CRACR2A: variants seen among roughly 807,000 people sequenced by gnomAD.
CRACR2A encodes EF-hand calcium-binding domain-containing protein 4B.
CRACR2A carries 79 observed loss-of-function variants against 90.5 expected under a neutral mutation model. The observed-to-expected ratio is 0.87, with a 90% CI of 0.73 to 1.05. The LOEUF (loss-of-function observed/expected upper bound fraction) is 1.05. CRACR2A is among the 50% of genes least tolerant of loss of function. The pLI, the probability that CRACR2A is intolerant of heterozygous loss-of-function variation, is 0.00. For synonymous variants in CRACR2A, 338 were observed against 356.7 expected (o/e 0.95, Z 0.59); for missense variants, 823 against 897.2 (o/e 0.92, Z 1.06).
chr12:3,668,654 C>T lies in CRACR2A; in HGVS notation c.671+4792G>A, dbSNP rs1945188682. 4.6e-5 allele frequency among the ~76,000 whole-genome samples: 7 copies of T among 152,264 alleles called. 1 individual carries two copies. Among genetic ancestry groups the T allele is most frequent in the Admixed American group, 3.3e-4 (5 of 15,304 alleles). On this transcript the variant is annotated intron_variant, in intron 7 of 19. Transcript: ENST00000440314. ...GCTTTGGGGACAGTTTCCTTGTCCT[C>T]GAGGCTCCACAACACAGGCTGCCGA... is the stretch of plus-strand genomic sequence containing the variant.
intron 10 of CRACR2A, among the ~76,000 whole-genome samples, chr12:3,653,194 G>A (rs996175082): frequency 6.6e-6 from 1 of 151,962 alleles, no homozygotes; most frequent in Non-Finnish European, 1.5e-5. Context: ...TGTTGGTCAG[G>A]CTGGTCTTGA....
chr12:3,659,789 G>A (rs536602781), intron 7 of CRACR2A, 135 bp from the exon 8 acceptor site: 8 of 681,998 alleles, frequency 1.2e-5, no homozygotes, highest in Middle Eastern at 3.4e-4. Context: ...GTCAGCCAAC[G>A]CTATAAGATC....
chr12:3,736,670 C>T (rs113338191), intron 1 of CRACR2A, among the ~76,000 whole-genome samples: 2 of 152,112 alleles, frequency 1.3e-5, no homozygotes, highest in African/African-American at 4.8e-5. Flanking sequence ...ATTTAAGGGA[C>T]ACTCAGAACA....
At chr12:3,649,793 G>T (rs867117231) in intron 10 of CRACR2A, among the ~76,000 whole-genome samples, 5 of 151,804 alleles carry the variant, frequency 3.3e-5, no homozygotes, top group Middle Eastern at 3.4e-3. Context: ...AAAGAGGTGA[G>T]GGGGAGCAAA....
At chr12:3,660,720 A>G (rs958193953) in intron 7 of CRACR2A, among the ~76,000 whole-genome samples, 2 of 152,000 alleles carry the variant, frequency 1.3e-5, no homozygotes, top group Non-Finnish European at 2.9e-5. Context: ...CCATGCAGTG[A>G]AAGACCCTCT....
At chr12:3,706,566 A>G (rs929727838) in intron 3 of CRACR2A, among the ~76,000 whole-genome samples, 2 of 152,134 alleles carry the variant, frequency 1.3e-5, no homozygotes, top group South Asian at 4.1e-4. Flanking sequence ...TCATCTGTAA[A>G]ATGAAGGGCC....
chr12:3,705,133 G>T (rs1370626112), intron 3 of CRACR2A, among the ~76,000 whole-genome samples: 1 of 152,160 alleles, frequency 6.6e-6, no homozygotes, highest in Non-Finnish European at 1.5e-5. Flanking sequence ...AGGAAATGGT[G>T]GAGTATATTC....
At chr12:3,654,762 T>A (rs1944867938) in intron 9 of CRACR2A, among the ~76,000 whole-genome samples, 1 of 152,238 alleles carries the variant, frequency 6.6e-6, no homozygotes, top group Non-Finnish European at 1.5e-5. Flanking sequence ...GCCAATTTCT[T>A]TCCCTTGGTC....
rs1944631475 is a variant in CRACR2A at position 3,643,876 on chromosome 12, ATAT to A, written c.1164+716_1164+718del. On this transcript the variant is annotated intron_variant, in intron 12 of 19. Transcript: ENST00000440314. ...TATATTTATATTATATATATTATAT[ATAT>A]TTATATTAATATATAATATATATTA... 2.1e-4 allele frequency among the ~76,000 whole-genome samples: 11 copies of A among 52,560 alleles called. 1 individual carries two copies. The South Asian group carries it at 6.3e-3, about 30-fold the overall frequency. 34.5% of individuals were successfully genotyped at this position (52,560 alleles called of 152,430 possible).
chr12:3,659,381 T>A (rs1342783415), intron 8 of CRACR2A, among the ~76,000 whole-genome samples, 183 bp downstream of exon 8: 1 of 151,460 alleles, frequency 6.6e-6, no homozygotes, highest in African/African-American at 2.4e-5. Context: ...AGACACTCAA[T>A]AAAAATAAAC....
At chr12:3,631,008 T>C (rs1326907578) in intron 15 of CRACR2A, among the ~76,000 whole-genome samples, 1 of 152,192 alleles carries the variant, frequency 6.6e-6, no homozygotes, top group Non-Finnish European at 1.5e-5. Context: ...GGAGCCCTGT[T>C]CTGGGGTTGG....
chr12:3,696,426 G>A (rs527615963), intron 4 of CRACR2A, among the ~76,000 whole-genome samples: 12 of 152,318 alleles, frequency 7.9e-5, no homozygotes, highest in South Asian at 4.1e-4. Context: ...CAGCAGGAAC[G>A]ACTTTGTTAT....
At chr12:3,652,770 T>C (rs4766157) in intron 10 of CRACR2A, among the ~76,000 whole-genome samples, 50,972 of 151,820 alleles carry the variant, frequency 0.34, 9,548 homozygotes, top group Admixed American at 0.47. Context: ...ACACAACTAC[T>C]TTTTTCAGAA....
intron 2 of CRACR2A, among the ~76,000 whole-genome samples, chr12:3,723,488 C>T (rs1032335618): frequency 6.6e-6 from 1 of 152,102 alleles, no homozygotes; most frequent in Non-Finnish European, 1.5e-5. Flanking sequence ...TCAAAATACC[C>T]TACTGCTCAA....
intron 1 of CRACR2A, among the ~76,000 whole-genome samples, chr12:3,744,030 T>A (rs10848917): frequency 0.47 from 71,428 of 151,948 alleles, 17,738 homozygotes; most frequent in Admixed American, 0.56. Context: ...CCTGAGTAAA[T>A]GCAGAATCAA....
chr12:3,649,265 T>TAAAA (rs1944753191), intron 10 of CRACR2A, among the ~76,000 whole-genome samples: 1 of 151,354 alleles, frequency 6.6e-6, no homozygotes, highest in Admixed American at 6.6e-5. Flanking sequence ...AATAAATAAA[T>TAAAA]AAAAAAGAGT....
chr12:3,743,881 G>A (rs1946568916), intron 1 of CRACR2A, among the ~76,000 whole-genome samples: 2 of 152,190 alleles, frequency 1.3e-5, no homozygotes, highest in Non-Finnish European at 2.9e-5. Context: ...GGAGGGTAAT[G>A]ACGAGCAATA....
intron 1 of CRACR2A, among the ~76,000 whole-genome samples, chr12:3,745,796 A>AAAAT (rs1946608437): frequency 6.1e-4 from 3 of 4,928 alleles, no homozygotes; most frequent in African/African-American, 1.0e-3. Flanking sequence ...AAAATAAAAT[A>AAAAT]AAATAAAATA....
At chr12:3,697,889 A>G (rs979750725) in intron 3 of CRACR2A, among the ~76,000 whole-genome samples, 1 of 152,294 alleles carries the variant, frequency 6.6e-6, no homozygotes, top group Admixed American at 6.5e-5. Flanking sequence ...AAGACCCTGA[A>G]GGAGTGTTTT....
Sources: gnomAD v4.1 joint callset for allele counts (sites outside exome capture counted in the v4.1 genomes callset) on GRCh38, gnomAD v4.1.1 for gene constraint, MANE v1.5 for transcripts, NCBI Gene and HGNC (gene_info 2026-07-23, HGNC 2026-07-21) for gene names.